Variants in TGFBR2 observed in about 807,000 individuals in gnomAD.
The protein encoded by TGFBR2 is TGF-beta receptor type-2.
TGFBR2 carries 18 observed loss-of-function variants against 49.0 expected under a neutral mutation model. The observed-to-expected ratio is 0.37, with a 90% CI of 0.25 to 0.54. The LOEUF (loss-of-function observed/expected upper bound fraction) is 0.54. Among genes scored for constraint, TGFBR2 ranks in the 20% least tolerant of loss-of-function variants. The probability of loss-of-function intolerance (pLI) is 0.85; values close to 1 mark genes in which losing one functional copy is unlikely to be tolerated. For synonymous variants in TGFBR2, 282 were observed against 275.9 expected, an observed-to-expected ratio of 1.02 and a Z score of -0.22; for missense variants, 525 against 722.6, an observed-to-expected ratio of 0.73 and a Z score of 3.13.
At chr3:30,622,106 A>T (rs925774154) in intron 1 of TGFBR2, among the ~76,000 whole-genome samples, 2 of 152,228 alleles carry the variant, frequency 1.3e-5, no homozygotes, top group Non-Finnish European at 2.9e-5. Flanking sequence ...TTGACCTCTG[A>T]TACAATGTAC....
In TGFBR2 at chr3:30,692,341, C is replaced by T. The variant is rs17026328; in HGVS notation, c.*742C>T. The T allele has an allele frequency of 8.2e-4, 188 of 230,322 alleles. No individual in the cohort carries two copies. The highest frequency in any genetic ancestry group is 3.9e-3 in the African/African-American group (178 of 45,244). 14.3% of individuals were successfully genotyped at this position (230,322 alleles called of 1,614,324 possible). ...CAAATCTGGGGGGCTAGTTTAGAAA[C>T]TCTCCCTCAACCTAGTTTAGAAACT... On this transcript the variant is annotated 3_prime_UTR_variant, in exon 7 of 7. Coordinates refer to ENST00000295754, the MANE Select transcript of TGFBR2 (RefSeq NM_003242.6).
intron 1 of TGFBR2, among the ~76,000 whole-genome samples, chr3:30,613,549 AG>A (rs1427605783): frequency 1.3e-5 from 2 of 151,404 alleles, no homozygotes; most frequent in East Asian, 1.9e-4. Flanking sequence ...AGAGAGAGAG[AG>A]AAAGAGAGAG....
At chr3:30,683,303 T>C (rs1699567160) in intron 5 of TGFBR2, among the ~76,000 whole-genome samples, 1 of 152,214 alleles carries the variant, frequency 6.6e-6, no homozygotes, top group African/African-American at 2.4e-5. Flanking sequence ...AAACTCTCTG[T>C]TACAGATTTG....
intron 1 of TGFBR2, among the ~76,000 whole-genome samples, chr3:30,642,735 T>C (rs1036040214): frequency 8.5e-5 from 13 of 152,176 alleles, no homozygotes; most frequent in African/African-American, 3.1e-4. Flanking sequence ...CTTTAAACAA[T>C]GTTAAAGAAA....
chr3:30,674,396 G>T, intron 5 of TGFBR2, 150 bp downstream of exon 5: 1 of 1,124,480 alleles, frequency 8.9e-7, no homozygotes, highest in South Asian at 1.3e-5. Context: ...ACTATTTGGG[G>T]TTATGCTAAA....
At chr3:30,690,612 G>T (rs1699693177) in intron 6 of TGFBR2, among the ~76,000 whole-genome samples, 1 of 152,130 alleles carries the variant, frequency 6.6e-6, no homozygotes, top group Non-Finnish European at 1.5e-5. Context: ...ATTCTGACGG[G>T]GGTAATCAGC....
chr3:30,640,055 A>G (rs561329863), intron 1 of TGFBR2, among the ~76,000 whole-genome samples: 28 of 152,340 alleles, frequency 1.8e-4, no homozygotes, highest in African/African-American at 6.7e-4. Context: ...GTCAATTCAT[A>G]TTCTCAAGAC....
intron 1 of TGFBR2, among the ~76,000 whole-genome samples, chr3:30,635,825 A>G (rs1423250539): frequency 6.6e-6 from 1 of 152,190 alleles, no homozygotes; most frequent in African/African-American, 2.4e-5. Flanking sequence ...GTGAAACTCA[A>G]ACCTACAAAG....
intron 3 of TGFBR2, among the ~76,000 whole-genome samples, chr3:30,655,571 CA>C (rs1431736885): frequency 6.6e-6 from 1 of 152,224 alleles, no homozygotes; most frequent in Non-Finnish European, 1.5e-5. Flanking sequence ...AAACAACCCA[CA>C]AGTGCCTTTC....
Position 30,674,114 on chromosome 3 carries a change from G to T in TGFBR2, c.1264G>T (p.Ala422Ser), listed in dbSNP as rs2125438757. ...TCTGTTTTTGCTATAGGTGGGAACT[G>T]CAAGATACATGGCTCCAGAAGTCCT... The part of the protein sequence containing the change: ...DLANSGQVGT[A>S]RYMAPEVLES... Residue 422 changes from alanine (A) to serine (S), a missense_variant, in exon 5 of 7, where the codon GCA (alanine) becomes TCA (serine). Coordinates refer to ENST00000295754, the MANE Select transcript of TGFBR2 (RefSeq NM_003242.6). 6.2e-7 allele frequency: 1 copy of T among 1,614,150 alleles called. No homozygotes were observed. Among genetic ancestry groups the T allele is most frequent in the Non-Finnish European group, 8.5e-7 (1 of 1,180,004 alleles).
At chr3:30,633,395 T>C (rs1698472185) in intron 1 of TGFBR2, among the ~76,000 whole-genome samples, 1 of 152,252 alleles carries the variant, frequency 6.6e-6, no homozygotes, top group South Asian at 2.1e-4. Flanking sequence ...CCTCTGGCCT[T>C]GAACTGAAAT....
intron 6 of TGFBR2, 134 bp from the exon 7 acceptor site, chr3:30,691,282 CTCAG>C: frequency 1.1e-6 from 1 of 915,486 alleles, no homozygotes. Flanking sequence ...GCAGCAGGCA[CTCAG>C]TCAGCACATG....
chr3:30,666,252 G>A (rs934328), intron 3 of TGFBR2, among the ~76,000 whole-genome samples: 97,201 of 151,936 alleles, frequency 0.64, 31,737 homozygotes, highest in Non-Finnish European at 0.7. Flanking sequence ...AGCTATATCT[G>A]GTTCAATGTT....
At chr3:30,644,119 CAG>C (rs1348604102) in intron 1 of TGFBR2, among the ~76,000 whole-genome samples, 15 of 152,168 alleles carry the variant, frequency 9.9e-5, no homozygotes, top group African/African-American at 3.4e-4. Context: ...GCCTCAAACA[CAG>C]AGAGAGATCA....
intron 1 of TGFBR2, 28 bp from the exon 2 acceptor site, chr3:30,644,719 C>T (rs1698698607): frequency 6.2e-7 from 1 of 1,610,238 alleles, no homozygotes; most frequent in Non-Finnish European, 8.5e-7. Flanking sequence ...GTTGGATAAT[C>T]ATTTAATATA....
At chr3:30,607,850 A>AAATATATATATAATTATATATATATAAAT (rs1559444213) in intron 1 of TGFBR2, among the ~76,000 whole-genome samples, 1 of 137,036 alleles carries the variant, frequency 7.3e-6, no homozygotes, top group African/African-American at 3.0e-5. Flanking sequence ...TATATATATA[A>AAATATATATATAATTATATATATATAAAT]ATATATATAA....
chr3:30,672,113 T>C lies in TGFBR2; in HGVS notation c.930T>C (p.Ala310=), dbSNP rs1341666511. 5 of 1,614,188 alleles carry C rather than the reference T, an allele frequency of 3.1e-6. No individual in the cohort carries two copies. Among genetic ancestry groups the C allele is most frequent in the Non-Finnish European group, 4.2e-6 (5 of 1,180,008 alleles). ...KHENILQFLT[A]EERKTELGKQ... is the part of the protein sequence containing the mutation. ...AGAACATACTCCAGTTCCTGACGGC[T>C]GAGGAGCGGAAGACGGAGTTGGGGA... is the stretch of plus-strand genomic sequence containing the variant. The change falls in exon 4 of 7, where the codon GCT becomes GCC. Residue 310 remains alanine (A), a synonymous_variant. Coordinates refer to ENST00000295754, the MANE Select transcript of TGFBR2 (RefSeq NM_003242.6). The surrounding 1 kb of genome is among the most constrained non-coding windows in gnomAD (Gnocchi z 4.5).
intron 2 of TGFBR2, among the ~76,000 whole-genome samples, chr3:30,646,102 A>G (rs1457867095): frequency 6.6e-6 from 1 of 152,218 alleles, no homozygotes; most frequent in Non-Finnish European, 1.5e-5. Context: ...GTTGACAAAC[A>G]AGAATATAAA....
intron 5 of TGFBR2, among the ~76,000 whole-genome samples, chr3:30,688,137 C>T (rs1699655380): frequency 6.6e-6 from 1 of 152,178 alleles, no homozygotes. Flanking sequence ...CCACTGTGTC[C>T]CCCAGCGTAA....
Sources: allele counts gnomAD v4.1 joint callset (sites outside exome capture counted in the v4.1 genomes callset), GRCh38; gene constraint gnomAD v4.1.1; non-coding constraint Gnocchi (gnomAD v3.1); transcripts MANE v1.5; gene names NCBI Gene and HGNC (gene_info 2026-07-23, HGNC 2026-07-21).